The following SSUH2 variants were observed in gnomAD, a reference collection of about 807,000 sequenced individuals.
The protein encoded by SSUH2 is protein SSUH2 homolog.
Under a neutral mutation model 55.3 loss-of-function variants are expected in SSUH2, and 47 were observed. That is an observed-to-expected ratio of 0.85 (90% CI 0.67 to 1.08). The LOEUF (loss-of-function observed/expected upper bound fraction) is 1.08. Among genes scored for constraint, SSUH2 ranks in the 50% least tolerant of loss-of-function variants. SSUH2 has a pLI of 0.00. For missense variants in SSUH2, 535 were observed against 490.7 expected (o/e 1.09, Z -0.85); for synonymous variants, 212 against 191.5 (o/e 1.11, Z -0.89).
chr3:8,646,114 C>T (rs544264267), upstream of SSUH2, among the ~76,000 whole-genome samples: 13 of 152,264 alleles, frequency 8.5e-5, no homozygotes, highest in South Asian at 2.7e-3. Context: ...ATAGAATTGT[C>T]CCCATGGTAA....
chr3:8,656,940 GCA>G (rs1353054561), intron 7 of SSUH2, among the ~76,000 whole-genome samples: 2 of 152,156 alleles, frequency 1.3e-5, no homozygotes, highest in African/African-American at 4.8e-5. Context: ...GAGTGCAGTA[GCA>G]CAGTCTCAGC....
At chr3:8,665,379 A>G (rs1703900705) in intron 5 of SSUH2, among the ~76,000 whole-genome samples, 1 of 152,144 alleles carries the variant, frequency 6.6e-6, no homozygotes, top group African/African-American at 2.4e-5. Flanking sequence ...AGATCAGCCA[A>G]AGACAACCAT....
intron 1 of SSUH2, among the ~76,000 whole-genome samples, chr3:8,644,013 C>G (rs1009963204): frequency 6.6e-6 from 1 of 151,940 alleles, no homozygotes; most frequent in African/African-American, 2.4e-5. Flanking sequence ...CAACCACCAC[C>G]CCTCTGCACT....
At chr3:8,634,290 G>T in intron 3 of SSUH2, 2 of 938,606 alleles carry the variant, frequency 2.1e-6, no homozygotes, top group Admixed American at 4.9e-5. Flanking sequence ...GACTCACCCT[G>T]AGGACCGTGG....
In SSUH2 at chr3:8,632,118, A is replaced by T; in HGVS notation, c.340-9T>A. On this transcript the variant is annotated splice_polypyrimidine_tract_variant and intron_variant, in intron 4 of 11. Transcript: ENST00000544814. ...AAGGTCTCCAGACGGTACTAAAAGG[A>T]AAAAAACAGCATGTTCACACTCGTG... 1.9e-6 allele frequency: 3 copies of T among 1,612,504 alleles called. No homozygotes were observed. The highest frequency in any genetic ancestry group is 2.5e-6 in the Non-Finnish European group (3 of 1,178,596).
At chr3:8,655,650 C>G (rs190090379) in intron 7 of SSUH2, among the ~76,000 whole-genome samples, 8 of 152,244 alleles carry the variant, frequency 5.3e-5, no homozygotes, top group Non-Finnish European at 1.2e-4. Context: ...TCGTTATGCA[C>G]ACAAACTAGT....
At position 8,637,127 on chromosome 3, in the gene SSUH2, G is replaced by A. The variant is rs117270045; in HGVS notation, c.29-1270C>T. Among the ~76,000 whole-genome samples the A allele has an allele frequency of 1.5e-3, 236 of 152,264 alleles. 2 individuals are homozygous for A. The East Asian group carries it at 0.036, about 23-fold the overall frequency. Reference sequence around the variant, plus strand: ...GCAATAGAAAATATGACACACTCTCGTGACGCCAGGCAGCGGCAGTGAACC... The same window carrying A: ...GCAATAGAAAATATGACACACTCTCATGACGCCAGGCAGCGGCAGTGAACC... On this transcript the variant is annotated intron_variant, in intron 1 of 11. Transcript: ENST00000544814.
chr3:8,643,641 T>C (rs889252818), intron 1 of SSUH2, among the ~76,000 whole-genome samples: 5 of 152,168 alleles, frequency 3.3e-5, no homozygotes, highest in African/African-American at 9.7e-5. Flanking sequence ...ACTTAAAGCT[T>C]TAAGATATCA....
intron 2 of SSUH2, among the ~76,000 whole-genome samples, chr3:8,679,430 G>C (rs546520159): frequency 2.2e-5 from 3 of 135,634 alleles, no homozygotes; most frequent in Non-Finnish European, 3.3e-5. Context: ...CTGGCTCTTA[G>C]GACCCCCATC....
At chr3:8,671,888 C>T (rs947220174) in intron 4 of SSUH2, 4 of 146,790 alleles carry the variant, frequency 2.7e-5, no homozygotes, top group African/African-American at 8.2e-5. Context: ...ACCCCCCTCT[C>T]CCCACCTGGA....
At chr3:8,650,033 C>T (rs957139645) in intron 7 of SSUH2, among the ~76,000 whole-genome samples, 1 of 152,168 alleles carries the variant, frequency 6.6e-6, no homozygotes, top group African/African-American at 2.4e-5. Context: ...AGCACATTCC[C>T]ACCTCAGGGC....
chr3:8,641,988 G>A (rs886749233), intron 1 of SSUH2, among the ~76,000 whole-genome samples: 7 of 152,170 alleles, frequency 4.6e-5, no homozygotes, highest in Non-Finnish European at 1.0e-4. Context: ...GCTCTCACTC[G>A]TGATCTCAAT....
Position 8,631,914 on chromosome 3 carries a change from G to A in SSUH2, c.400+135C>T, listed in dbSNP as rs1698862183. The A allele has an allele frequency of 7.6e-6, 5 of 660,388 alleles. No homozygotes were observed. The Admixed American group carries it at 1.0e-4, about 13-fold the overall frequency. 40.9% of individuals were successfully genotyped at this position (660,388 alleles called of 1,614,324 possible). On this transcript the variant is annotated intron_variant, in intron 5 of 11. Transcript: ENST00000544814. ...TGAAAGTCCATCCTCTCATTTTGCA[G>A]GGGGTAAGGAAGCCAAGGCTCCAAG...
intron 11 of SSUH2, among the ~76,000 whole-genome samples, chr3:8,621,002 G>C (rs1055879949): frequency 1.3e-5 from 2 of 152,144 alleles, no homozygotes; most frequent in Middle Eastern, 3.2e-3. Flanking sequence ...GCCCTGAACA[G>C]AAAACAGCAG....
chr3:8,647,223 T>A (rs771439621), upstream of SSUH2, among the ~76,000 whole-genome samples: 2 of 152,152 alleles, frequency 1.3e-5, no homozygotes, highest in Admixed American at 6.5e-5. Context: ...TAAAGGGGCA[T>A]GTGGGAAGGC....
chr3:8,639,614 A>C (rs1240707723), intron 1 of SSUH2, among the ~76,000 whole-genome samples: 11 of 152,202 alleles, frequency 7.2e-5, no homozygotes, highest in Admixed American at 7.2e-4. Context: ...ATAGAAAGGA[A>C]TTTTCCTTGT....
At chr3:8,629,363 G>A in intron 7 of SSUH2, 1 of 386,250 alleles carries the variant, frequency 2.6e-6, no homozygotes, top group Non-Finnish European at 4.6e-6. Flanking sequence ...CCAGGTCTTG[G>A]CCCTCTTACA....
intron 6 of SSUH2, among the ~76,000 whole-genome samples, chr3:8,662,856 C>A (rs979935263): frequency 1.3e-5 from 2 of 152,254 alleles, no homozygotes; most frequent in Non-Finnish European, 2.9e-5. Flanking sequence ...TGGCTCCAGG[C>A]TCCAGTGGTA....
intron 7 of SSUH2, 143 bp from the exon 8 acceptor site, chr3:8,627,926 G>T: frequency 1.8e-6 from 1 of 554,992 alleles, no homozygotes; most frequent in Non-Finnish European, 3.1e-6. Context: ...GGTGCGGGGT[G>T]GAGATGGGGT....
Sources: allele counts gnomAD v4.1 joint callset (sites outside exome capture counted in the v4.1 genomes callset), GRCh38; gene constraint gnomAD v4.1.1; transcripts MANE v1.5; gene names NCBI Gene and HGNC (gene_info 2026-07-23, HGNC 2026-07-21).